The following KCND3 variants were observed in gnomAD, a reference collection of about 807,000 sequenced individuals.
KCND3 encodes A-type voltage-gated potassium channel KCND3.
A neutral mutation model predicts 51.1 loss-of-function variants in KCND3; 9 were observed. That is an observed-to-expected ratio of 0.18 (90% CI 0.11 to 0.31). The LOEUF (loss-of-function observed/expected upper bound fraction) is 0.31, where lower values mean the gene tolerates loss of function less well. Among genes scored for constraint, KCND3 ranks in the 10% least tolerant of loss-of-function variants. The probability of loss-of-function intolerance (pLI) is 1.00; values close to 1 mark genes in which losing one functional copy is unlikely to be tolerated. For missense variants in KCND3, 526 were observed against 903.8 expected (o/e 0.58, Z 5.36); for synonymous variants, 349 against 368.0 (o/e 0.95, Z 0.59).
rs1247222463 is a variant in KCND3 at position 111,780,730 on chromosome 1, C to G, written c.1331G>C (p.Ser444Thr). ...KTGSSNAYLH[S>T]KRNGLLNEAL... ...CTCGTTGAGGAGCCCGTTGCGCTTGCTGTGCAGGTATGCATTCGAACTGCC... is the reference window on the plus strand; with the variant it reads ...CTCGTTGAGGAGCCCGTTGCGCTTGGTGTGCAGGTATGCATTCGAACTGCC... The change falls in exon 4 of 8, where the codon AGC becomes ACC. Residue 444 changes from serine (S) to threonine (T), a missense_variant. Ser to Thr is a moderately conservative substitution (Grantham distance 58). Coordinates refer to ENST00000302127, the MANE Select transcript of KCND3 (RefSeq NM_001378969.1). The surrounding 1 kb of genome is among the most constrained non-coding windows in gnomAD (Gnocchi z 4.2). The G allele has an allele frequency of 6.8e-6, 11 of 1,613,164 alleles. No individual in the cohort carries two copies. The highest frequency in any genetic ancestry group is 8.5e-7 in the Non-Finnish European group (1 of 1,179,794).
intron 2 of KCND3, among the ~76,000 whole-genome samples, chr1:111,870,372 A>G (rs988290400): frequency 1.2e-4 from 19 of 152,242 alleles, no homozygotes; most frequent in African/African-American, 4.6e-4. Flanking sequence ...GGGACTTCTC[A>G]TTCTGATGCT....
chr1:111,831,202 G>A (rs1161057829), intron 2 of KCND3, among the ~76,000 whole-genome samples: 2 of 152,172 alleles, frequency 1.3e-5, no homozygotes, highest in African/African-American at 4.8e-5. Flanking sequence ...TGTCCTGAAT[G>A]CCTTTACCTT....
In KCND3 at chr1:111,875,790, C is replaced by A. The variant is rs2101725158; in HGVS notation, c.1107-88684G>T. 2.0e-5 allele frequency among the ~76,000 whole-genome samples: 3 copies of A among 152,368 alleles called. No individual in the cohort carries two copies. In the South Asian group the frequency reaches 6.2e-4, roughly 32 times the overall value. On this transcript the variant is annotated intron_variant, in intron 2 of 7. Transcript: ENST00000302127. Reference sequence around the variant, plus strand: ...CAGAGAAACTAGAATTCCATTCTTTCCGCTAAGGAAAACCATTAGACCTGC... The same window carrying A: ...CAGAGAAACTAGAATTCCATTCTTTACGCTAAGGAAAACCATTAGACCTGC...
chr1:111,866,449 GA>G (rs965425627), intron 2 of KCND3, among the ~76,000 whole-genome samples: 1 of 151,798 alleles, frequency 6.6e-6, no homozygotes, highest in Non-Finnish European at 1.5e-5. Context: ...ATTTTTTGTA[GA>G]GACAGAGTTT....
chr1:111,977,352 C>T (rs1177790213), intron 2 of KCND3, among the ~76,000 whole-genome samples: 1 of 152,252 alleles, frequency 6.6e-6, no homozygotes, highest in African/African-American at 2.4e-5. Context: ...GTCTCCTCGC[C>T]TCTTCGAACC....
intron 3 of KCND3, 120 bp downstream of exon 3, chr1:111,786,824 C>A (rs1233385261): frequency 5.6e-6 from 7 of 1,241,560 alleles, no homozygotes; most frequent in Non-Finnish European, 8.2e-6. Flanking sequence ...AGCTACCTTA[C>A]CTTGCAAAGC....
intron 2 of KCND3, among the ~76,000 whole-genome samples, chr1:111,916,478 A>G (rs980831881): frequency 2.6e-5 from 4 of 152,204 alleles, no homozygotes; most frequent in Non-Finnish European, 5.9e-5. Context: ...ACAAGTCTCA[A>G]ATCAATGATC....
intron 2 of KCND3, among the ~76,000 whole-genome samples, chr1:111,934,045 C>T (rs1379709000): frequency 6.6e-6 from 1 of 152,206 alleles, no homozygotes; most frequent in Non-Finnish European, 1.5e-5. Context: ...TACTCTCTCC[C>T]TCCCAAAGGC....
chr1:111,798,663 C>T (rs1665163867), intron 2 of KCND3, among the ~76,000 whole-genome samples: 1 of 151,570 alleles, frequency 6.6e-6, no homozygotes, highest in African/African-American at 2.4e-5. Flanking sequence ...CTGCAAGCTC[C>T]AGGAGAAGAG....
intron 3 of KCND3, among the ~76,000 whole-genome samples, chr1:111,786,309 A>G (rs1205391778): frequency 2.0e-5 from 3 of 152,366 alleles, no homozygotes; most frequent in Non-Finnish European, 2.9e-5. Flanking sequence ...TCCTCATTGC[A>G]TGGGCAAATG....
At chr1:111,891,983 T>TGC (rs1463889667) in intron 2 of KCND3, among the ~76,000 whole-genome samples, 1 of 75,934 alleles carries the variant, frequency 1.3e-5, no homozygotes, top group Admixed American at 1.5e-4. Context: ...TGTGTGTCTG[T>TGC]GTGTGTGTGT....
At chr1:111,792,898 A>G (rs1472540638) in intron 2 of KCND3, among the ~76,000 whole-genome samples, 2 of 148,180 alleles carry the variant, frequency 1.3e-5, no homozygotes, top group Non-Finnish European at 3.0e-5. Flanking sequence ...ATATAAAATT[A>G]TATATATTAT....
chr1:111,886,570 T>C (rs1255719426), intron 2 of KCND3, among the ~76,000 whole-genome samples: 1 of 152,188 alleles, frequency 6.6e-6, no homozygotes, highest in Non-Finnish European at 1.5e-5. Context: ...CTTCAATTTA[T>C]TGGGAGGCCA....
intron 2 of KCND3, among the ~76,000 whole-genome samples, chr1:111,823,982 G>A (rs571876867): frequency 6.6e-6 from 1 of 152,206 alleles, no homozygotes; most frequent in South Asian, 2.1e-4. Context: ...CCAGCACTGA[G>A]GAGTAGTGTG....
intron 2 of KCND3, among the ~76,000 whole-genome samples, chr1:111,974,803 C>CAG (rs1268581037): frequency 6.6e-6 from 1 of 152,154 alleles, no homozygotes; most frequent in African/African-American, 2.4e-5. Context: ...CAGAGAGATA[C>CAG]AGAGAGAGAT....
intron 1 of KCND3, among the ~76,000 whole-genome samples, chr1:111,988,125 G>A (rs1317078653): frequency 6.6e-6 from 1 of 152,146 alleles, no homozygotes; most frequent in East Asian, 1.9e-4. Context: ...GAGAGCCTCT[G>A]GAAACTTACT....
At chr1:111,976,357 C>T (rs1674624638) in intron 2 of KCND3, among the ~76,000 whole-genome samples, 1 of 152,224 alleles carries the variant, frequency 6.6e-6, no homozygotes, top group African/African-American at 2.4e-5. Context: ...GAATGCCCTG[C>T]CTGGCCTCCC....
At chr1:111,925,385 C>T (rs558455556) in intron 2 of KCND3, among the ~76,000 whole-genome samples, 2 of 152,322 alleles carry the variant, frequency 1.3e-5, no homozygotes, top group South Asian at 2.1e-4. Context: ...TTGAACCCTA[C>T]GAATATGATT....
rs1036858905 is a variant in KCND3, at chr1:111,841,040, T to G, written c.1107-53934A>C. On this transcript the variant is annotated intron_variant, in intron 2 of 7. Coordinates refer to ENST00000302127, the MANE Select transcript of KCND3 (RefSeq NM_001378969.1). ...TGAAGTCTAGACTCAGTTCCCCTAT[T>G]TGTCTGTTCCACCTTTTAAGGGATA... is the stretch of plus-strand genomic sequence containing the variant. Among the ~76,000 whole-genome samples, 92 of 152,244 alleles carry G rather than the reference T, an allele frequency of 6.0e-4. 1 individual carries two copies. Among genetic ancestry groups the G allele is most frequent in the African/African-American group, 2.4e-5 (1 of 41,468 alleles).
Sources: allele counts gnomAD v4.1 joint callset (sites outside exome capture counted in the v4.1 genomes callset), GRCh38; gene constraint gnomAD v4.1.1; non-coding constraint Gnocchi (gnomAD v3.1); transcripts MANE v1.5; gene names NCBI Gene and HGNC (gene_info 2026-07-23, HGNC 2026-07-21).